The following ME3 variants were observed in gnomAD, a reference collection of about 807,000 sequenced individuals.
The protein encoded by ME3 is malic enzyme 3.
A neutral mutation model predicts 68.9 loss-of-function variants in ME3; 48 were observed. The ratio of observed to expected loss-of-function variants is 0.70; its 90% confidence interval spans 0.55 to 0.89. The LOEUF (loss-of-function observed/expected upper bound fraction) is 0.89, where lower values mean the gene tolerates loss of function less well. Ranked by LOEUF, ME3 falls within the 40% of genes least tolerant of loss-of-function variation. The pLI, the probability that ME3 is intolerant of heterozygous loss-of-function variation, is 0.00. For synonymous variants in ME3, 320 were observed against 318.8 expected (o/e 1.00, Z -0.04); for missense variants, 675 against 797.4 (o/e 0.85, Z 1.85).
In ME3 at chr11:86,665,667, C is replaced by T. The variant is rs115143723; in HGVS notation, c.183+6095G>A. 3.2e-3 allele frequency among the ~76,000 whole-genome samples: 483 copies of T among 152,188 alleles called. 2 individuals carry two copies. Among genetic ancestry groups the T allele is most frequent in the African/African-American group, 0.011 (440 of 41,510 alleles). On this transcript the variant is annotated intron_variant, in intron 2 of 14. Coordinates refer to ENST00000543262, the Ensembl canonical transcript of ME3. ...CATTGTGTTGAGAATAAATGAGAGGCGCTAAAGGGAAAGAGGAGACCAGCC... is the reference window on the plus strand; with the variant it reads ...CATTGTGTTGAGAATAAATGAGAGGTGCTAAAGGGAAAGAGGAGACCAGCC...
At chr11:86,657,110 A>G (rs1052459886) in intron 2 of ME3, among the ~76,000 whole-genome samples, 2 of 152,230 alleles carry the variant, frequency 1.3e-5, no homozygotes, top group African/African-American at 4.8e-5. Context: ...CAGCAATCCC[A>G]TTACTGGGTA....
At chr11:86,664,396 TTAA>T (rs1946465979) in intron 2 of ME3, among the ~76,000 whole-genome samples, 1 of 152,260 alleles carries the variant, frequency 6.6e-6, no homozygotes, top group African/African-American at 2.4e-5. Context: ...TTCTAAAGTC[TTAA>T]TAATGATTAC....
downstream of ME3, among the ~76,000 whole-genome samples, chr11:86,440,124 G>A (rs113186080): frequency 0.04 from 6,098 of 152,262 alleles, 174 homozygotes; most frequent in Non-Finnish European, 0.063. Flanking sequence ...GGACCTATTC[G>A]TTGCTGGCAG....
At chr11:86,647,102 A>G (rs1024625386) in intron 2 of ME3, among the ~76,000 whole-genome samples, 2 of 152,240 alleles carry the variant, frequency 1.3e-5, no homozygotes, top group Non-Finnish European at 2.9e-5. Context: ...AAAACGTATC[A>G]AAAAGTAAAG....
At chr11:86,568,512 C>T (rs1240283032) in intron 2 of ME3, among the ~76,000 whole-genome samples, 3 of 152,208 alleles carry the variant, frequency 2.0e-5, no homozygotes, top group African/African-American at 7.2e-5. Context: ...TCTGGTTCAG[C>T]TACTGAACTC....
At chr11:86,615,237 AT>A (rs1228670170) in intron 2 of ME3, among the ~76,000 whole-genome samples, 2 of 152,196 alleles carry the variant, frequency 1.3e-5, no homozygotes, top group Non-Finnish European at 2.9e-5. Flanking sequence ...CCTCTGGATA[AT>A]TGGAATTATG....
intron 3 of ME3, among the ~76,000 whole-genome samples, chr11:86,557,225 C>A (rs142184962): frequency 6.6e-6 from 1 of 152,290 alleles, no homozygotes; most frequent in East Asian, 1.9e-4. Context: ...TCCTACCACA[C>A]TGGACTGGTT....
chr11:86,455,107 T>A (rs1949842119), intron 8 of ME3, among the ~76,000 whole-genome samples: 1 of 152,216 alleles, frequency 6.6e-6, no homozygotes, highest in South Asian at 2.1e-4. Flanking sequence ...CTGTTGGCAG[T>A]GTCACAGAGA....
In ME3 at chr11:86,542,986, T is replaced by G. The variant is rs541651207; in HGVS notation, c.467+13567A>C. 7.9e-5 allele frequency among the ~76,000 whole-genome samples: 12 copies of G among 152,336 alleles called. No homozygotes were observed. The East Asian group carries it at 2.3e-3, about 29-fold the overall frequency. On this transcript the variant is annotated intron_variant, in intron 4 of 14. Coordinates refer to ENST00000543262, the Ensembl canonical transcript of ME3. Reference sequence around the variant, plus strand: ...AGAAACCCTACATGCCAGAAGAGAATGGGAGTCAATATTCAACATTCTTAA... The same window carrying G: ...AGAAACCCTACATGCCAGAAGAGAAGGGGAGTCAATATTCAACATTCTTAA...
chr11:86,505,231 T>C (rs997674421), intron 5 of ME3, among the ~76,000 whole-genome samples: 2 of 150,654 alleles, frequency 1.3e-5, no homozygotes, highest in African/African-American at 4.9e-5. Context: ...GCTTGGAAAT[T>C]CTAAACCTTT....
intron 2 of ME3, among the ~76,000 whole-genome samples, chr11:86,645,316 G>C (rs895376738): frequency 1.3e-5 from 2 of 152,182 alleles, no homozygotes; most frequent in Non-Finnish European, 2.9e-5. Flanking sequence ...CCACTGGCTT[G>C]AAATTCTCAC....
At chr11:86,620,548 A>G (rs916470955) in intron 2 of ME3, among the ~76,000 whole-genome samples, 1 of 152,218 alleles carries the variant, frequency 6.6e-6, no homozygotes, top group Admixed American at 6.5e-5. Context: ...TGGAGTTAGT[A>G]TGTGAAATCA....
chr11:86,532,217 A>C (rs903421501), intron 4 of ME3, among the ~76,000 whole-genome samples: 4 of 152,192 alleles, frequency 2.6e-5, no homozygotes, highest in Non-Finnish European at 5.9e-5. Flanking sequence ...GGAGAACTTA[A>C]ATATATAAAG....
At chr11:86,567,023 G>A (rs929045819) in intron 2 of ME3, among the ~76,000 whole-genome samples, 5 of 151,972 alleles carry the variant, frequency 3.3e-5, no homozygotes, top group African/African-American at 1.2e-4. Flanking sequence ...TTCAAGACCA[G>A]TCTGACCAAC....
At chr11:86,528,569 T>A (rs536897077) in intron 4 of ME3, among the ~76,000 whole-genome samples, 1 of 152,010 alleles carries the variant, frequency 6.6e-6, no homozygotes, top group African/African-American at 2.4e-5. Flanking sequence ...TTCAGCACCG[T>A]GCCACACCTA....
chr11:86,483,398 C>T (rs1951521063), intron 7 of ME3, among the ~76,000 whole-genome samples: 1 of 152,104 alleles, frequency 6.6e-6, no homozygotes, highest in African/African-American at 2.4e-5. Context: ...CTCCAGATAT[C>T]AGAGAGGCCA....
At chr11:86,528,765 A>G (rs367942433) in intron 4 of ME3, among the ~76,000 whole-genome samples, 14,794 of 149,186 alleles carry the variant, frequency 0.099, 773 homozygotes, top group African/African-American at 0.13. Context: ...TACTAGGTAC[A>G]TAACAAAATG....
chr11:86,568,924 G>T (rs1179191170), intron 2 of ME3, among the ~76,000 whole-genome samples: 1 of 152,232 alleles, frequency 6.6e-6, no homozygotes, highest in Non-Finnish European at 1.5e-5. Flanking sequence ...TACTAGAGGA[G>T]ACATGTGGGT....
intron 2 of ME3, among the ~76,000 whole-genome samples, chr11:86,589,762 A>G (rs951957018): frequency 1.3e-5 from 2 of 152,188 alleles, no homozygotes; most frequent in African/African-American, 4.8e-5. Context: ...TTTGACCACT[A>G]TTGGAAAACG....
Sources: gnomAD v4.1 joint callset for allele counts (sites outside exome capture counted in the v4.1 genomes callset) on GRCh38, gnomAD v4.1.1 for gene constraint, MANE v1.5 for transcripts, NCBI Gene and HGNC (gene_info 2026-07-23, HGNC 2026-07-21) for gene names.